Variants in HSD11B1 observed in about 807,000 individuals in gnomAD.
HSD11B1 encodes the protein hydroxysteroid 11-beta dehydrogenase 1.
Under a neutral mutation model 22.1 loss-of-function variants are expected in HSD11B1, and 15 were observed. The observed-to-expected ratio is 0.68, with a 90% confidence interval of 0.45 to 1.04. The LOEUF (loss-of-function observed/expected upper bound fraction) is 1.04. Ranked by LOEUF, HSD11B1 falls within the 50% of genes least tolerant of loss-of-function variation. The pLI is 0.00. For synonymous variants in HSD11B1, 122 were observed against 125.2 expected, an observed-to-expected ratio of 0.97 and a Z score of 0.17; for missense variants, 281 against 357.6, an observed-to-expected ratio of 0.79 and a Z score of 1.73.
chr1:209,717,434 C>A (rs993510248), intron 4 of HSD11B1, among the ~76,000 whole-genome samples: 3 of 152,036 alleles, frequency 2.0e-5, no homozygotes, highest in African/African-American at 7.2e-5. Flanking sequence ...AAAGGGAACT[C>A]TTATATACTG....
At chr1:209,729,446 T>G (rs1318191769) in intron 4 of HSD11B1, among the ~76,000 whole-genome samples, 4 of 151,886 alleles carry the variant, frequency 2.6e-5, no homozygotes, top group Non-Finnish European at 4.4e-5. Context: ...AGGGCCAGTA[T>G]AGTATGGCAG....
intron 1 of HSD11B1, among the ~76,000 whole-genome samples, chr1:209,692,060 A>T (rs754967744): frequency 1.3e-5 from 2 of 151,902 alleles, no homozygotes; most frequent in African/African-American, 4.8e-5. Flanking sequence ...TAATAAATGT[A>T]AAAACTAGTT....
At position 209,704,875 on chromosome 1, in the gene HSD11B1, G is replaced by T. The variant is rs776015128; in HGVS notation, c.-68G>T. On this transcript the variant is annotated 5_prime_UTR_variant, in exon 1 of 6. It adds an upstream start codon to the 5' untranslated region. Coordinates refer to ENST00000367027, the MANE Select transcript of HSD11B1 (RefSeq NM_005525.4). ...TTCAGAGGCTGCTGCCTGCTTAGGA[G>T]GTTGTAGAAAGCTCTGTAGGTTCTC... 8.3e-7 allele frequency: 1 copy of T among 1,201,736 alleles called. No homozygotes were observed. Among genetic ancestry groups the T allele is most frequent in the Non-Finnish European group, 1.2e-6 (1 of 806,086 alleles). 74.4% of individuals were successfully genotyped at this position (1,201,736 alleles called of 1,614,324 possible).
chr1:209,730,435 T>C (rs2102400385), intron 4 of HSD11B1, among the ~76,000 whole-genome samples: 1 of 152,358 alleles, frequency 6.6e-6, no homozygotes, highest in African/African-American at 2.4e-5. Context: ...TGAATCCATC[T>C]AATTTATTGG....
intron 4 of HSD11B1, among the ~76,000 whole-genome samples, chr1:209,719,553 T>A (rs1466586181): frequency 6.6e-6 from 1 of 152,158 alleles, no homozygotes; most frequent in Non-Finnish European, 1.5e-5. Flanking sequence ...CCCCGAACTG[T>A]CCGCTTAAAA....
rs1410513122 is a variant in HSD11B1 at position 209,706,324 on chromosome 1, C to G, written c.219+383C>G. ...ATATCCTCATACCCATGCAGACTCC[C>G]AGACACATGCCCTCTCATGGACTCA... On this transcript the variant is annotated intron_variant, in intron 2 of 5. Transcript: ENST00000367027. The surrounding 1 kb of genome is among the most constrained non-coding windows in gnomAD (Gnocchi z 4.0). Among the ~76,000 whole-genome samples the G allele has an allele frequency of 6.6e-6, 1 of 152,166 alleles. No individual in the cohort carries two copies. Among genetic ancestry groups the G allele is most frequent in the Non-Finnish European group, 1.5e-5 (1 of 68,032 alleles).
intron 1 of HSD11B1, among the ~76,000 whole-genome samples, chr1:209,693,516 T>C (rs1375868346): frequency 1.3e-5 from 2 of 152,248 alleles, no homozygotes. Context: ...AAGGATTCAA[T>C]ATCCACCCGT....
chr1:209,734,470 G>A lies in HSD11B1; in HGVS notation c.828G>A (p.Leu276=), dbSNP rs765917127. The A allele has an allele frequency of 8.7e-6, 14 of 1,613,964 alleles. No homozygotes were observed. Among genetic ancestry groups the A allele is most frequent in the African/African-American group, 1.3e-5 (1 of 74,912 alleles). ...TCAGAAATCCATGCAGGAAGATCCT[G>A]GAATTTCTCTACTCAACGAGCTATA... ...LLIRNPCRKI[L]EFLYSTSYNM... The change falls in exon 6 of 6, where the codon CTG becomes CTA. Residue 276 remains leucine, a synonymous_variant. Coordinates refer to ENST00000367027, the MANE Select transcript of HSD11B1 (RefSeq NM_005525.4).
chr1:209,722,801 G>A (rs2076974643), intron 4 of HSD11B1, among the ~76,000 whole-genome samples: 1 of 152,154 alleles, frequency 6.6e-6, no homozygotes. Context: ...AGGCAGGCAG[G>A]AATGAAGTTT....
At chr1:209,730,768 A>G (rs2077030582) in intron 4 of HSD11B1, among the ~76,000 whole-genome samples, 1 of 152,222 alleles carries the variant, frequency 6.6e-6, no homozygotes, top group East Asian at 1.9e-4. Context: ...GGTTTGACAT[A>G]CAACATATTA....
intron 4 of HSD11B1, among the ~76,000 whole-genome samples, chr1:209,722,613 A>T (rs1265946637): frequency 6.6e-6 from 1 of 152,158 alleles, no homozygotes; most frequent in Non-Finnish European, 1.5e-5. Context: ...GCCCAACTCA[A>T]TCCAAACAAC....
chr1:209,707,938 A>AG (rs2076871021), intron 4 of HSD11B1, among the ~76,000 whole-genome samples: 1 of 151,158 alleles, frequency 6.6e-6, no homozygotes, highest in Non-Finnish European at 1.5e-5. Flanking sequence ...AAAAAAAAAA[A>AG]GATGAACAGA....
intron 1 of HSD11B1, among the ~76,000 whole-genome samples, chr1:209,698,765 G>T (rs985322287): frequency 2.6e-5 from 4 of 152,056 alleles, no homozygotes; most frequent in Admixed American, 1.3e-4. Context: ...GAATTTTTTT[G>T]ATTATAAAAA....
In HSD11B1 at chr1:209,732,558, G is replaced by A. The variant is rs1037296633; in HGVS notation, c.640G>A (p.Val214Ile). 6.2e-7 allele frequency: 1 copy of A among 1,613,628 alleles called. No homozygotes were observed. Among genetic ancestry groups the A allele is most frequent in the Non-Finnish European group, 8.5e-7 (1 of 1,179,810 alleles). Residue 214 changes from valine to isoleucine, a missense_variant, in exon 5 of 6, where the codon GTT becomes ATT. By Grantham distance (29) the Val-to-Ile change is conservative (BLOSUM62 3). Transcript: ENST00000367027. ...SRVNVSITLCVLGLIDTETAM... is the reference protein window; with the variant it reads ...SRVNVSITLCILGLIDTETAM... ...GGTCAATGTATCAATCACTCTCTGT[G>A]TTCTTGGCCTCATAGACACAGGTAA...
intron 1 of HSD11B1, among the ~76,000 whole-genome samples, chr1:209,691,810 A>T (rs1049019006): frequency 1.3e-5 from 2 of 152,216 alleles, no homozygotes; most frequent in Non-Finnish European, 2.9e-5. Flanking sequence ...AAAACGCAAA[A>T]TCCCAGTATT....
intron 5 of HSD11B1, among the ~76,000 whole-genome samples, chr1:209,732,805 T>C (rs2077044025): frequency 6.7e-6 from 1 of 150,350 alleles, no homozygotes; most frequent in Non-Finnish European, 1.5e-5. Context: ...CCAAGTGTTC[T>C]CATTGTTCAA....
At chr1:209,698,438 G>A (rs574674059) in intron 1 of HSD11B1, among the ~76,000 whole-genome samples, 49 of 152,302 alleles carry the variant, frequency 3.2e-4, no homozygotes, top group African/African-American at 1.1e-3. Flanking sequence ...TGGGGCTGTG[G>A]TGTCACCCTA....
At chr1:209,699,462 G>A (rs1311153613) in intron 1 of HSD11B1, among the ~76,000 whole-genome samples, 2 of 152,102 alleles carry the variant, frequency 1.3e-5, no homozygotes, top group Non-Finnish European at 2.9e-5. Context: ...AAACCCATCA[G>A]ATCAAGAGAG....
At chr1:209,698,180 TAG>T (rs2076804436) in intron 1 of HSD11B1, among the ~76,000 whole-genome samples, 1 of 129,200 alleles carries the variant, frequency 7.7e-6, no homozygotes, top group African/African-American at 2.7e-5. Flanking sequence ...GATAGATAGA[TAG>T]ATAGATAGAT....
Sources: allele counts gnomAD v4.1 joint callset (sites outside exome capture counted in the v4.1 genomes callset), GRCh38; gene constraint gnomAD v4.1.1; non-coding constraint Gnocchi (gnomAD v3.1); transcripts MANE v1.5; gene names NCBI Gene and HGNC (gene_info 2026-07-23, HGNC 2026-07-21).